The following EPS15 variants were observed in gnomAD, a reference collection of about 807,000 sequenced individuals.
EPS15 encodes epidermal growth factor receptor pathway substrate 15.
Under a neutral mutation model 113.8 loss-of-function variants are expected in EPS15, and 72 were observed. The observed-to-expected ratio is 0.63, with a 90% confidence interval of 0.52 to 0.77. EPS15 has a LOEUF of 0.77. EPS15 is among the 30% of genes least tolerant of loss of function. The pLI is 0.00. For synonymous variants in EPS15, 344 were observed against 363.4 expected, an observed-to-expected ratio of 0.95 and a Z score of 0.61; for missense variants, 1,048 against 1,045.8, an observed-to-expected ratio of 1.00 and a Z score of -0.03.
chr1:51,386,933 G>C (rs908792269), intron 21 of EPS15, among the ~76,000 whole-genome samples: 4 of 152,130 alleles, frequency 2.6e-5, no homozygotes, highest in Admixed American at 6.6e-5. Flanking sequence ...AATCTAGCAA[G>C]GCAGGCCAAC....
At chr1:51,507,408 A>T (rs1311436985) in intron 1 of EPS15, among the ~76,000 whole-genome samples, 1 of 152,214 alleles carries the variant, frequency 6.6e-6, no homozygotes, top group East Asian at 1.9e-4. Flanking sequence ...CACACCTGTA[A>T]TCCCAGCACT....
intron 15 of EPS15, among the ~76,000 whole-genome samples, chr1:51,407,242 G>C (rs1360570563): frequency 6.6e-6 from 1 of 151,986 alleles, no homozygotes; most frequent in Non-Finnish European, 1.5e-5. Context: ...CTGTTGCCCA[G>C]GGTGGAGTGC....
At chr1:51,357,383 A>G in intron 24 of EPS15, among the ~76,000 whole-genome samples, 1 of 52,630 alleles carries the variant, frequency 1.9e-5, no homozygotes, top group Non-Finnish European at 3.5e-5. Flanking sequence ...TCTGAAAAAA[A>G]AAAAAAAAAT....
chr1:51,370,926 G>GT (rs1646633570), intron 21 of EPS15, among the ~76,000 whole-genome samples: 1 of 146,354 alleles, frequency 6.8e-6, no homozygotes, highest in Non-Finnish European at 1.5e-5. Context: ...CCCTATTTTG[G>GT]TTTTTTTGAG....
At chr1:51,476,850 G>T (rs537168968) in intron 2 of EPS15, among the ~76,000 whole-genome samples, 1 of 152,260 alleles carries the variant, frequency 6.6e-6, no homozygotes, top group East Asian at 1.9e-4. Context: ...GCTGGATTCG[G>T]TTTGCCAGTA....
rs1241341955 is a variant in EPS15, at chr1:51,480,424, G to A, written c.75+849C>T. Among the ~76,000 whole-genome samples, 29 of 152,180 alleles carry A rather than the reference G, an allele frequency of 1.9e-4. 1 individual carries two copies. The highest frequency in any genetic ancestry group is 1.9e-3 in the Admixed American group (29 of 15,276). On this transcript the variant is annotated intron_variant, in intron 2 of 24. Coordinates refer to ENST00000371733, the MANE Select transcript of EPS15 (RefSeq NM_001981.3). The stretch of plus-strand genomic sequence containing the variant: ...GTAGAGGTTAATAGAAACTGATAGC[G>A]ATGCAAGTGACTCCTGTCCATACCA...
intron 21 of EPS15, among the ~76,000 whole-genome samples, chr1:51,391,440 T>C (rs992723552): frequency 6.6e-6 from 1 of 150,488 alleles, no homozygotes; most frequent in Admixed American, 6.6e-5. Context: ...ATTGTGCACA[T>C]GTACCCTAAA....
At chr1:51,440,305 G>GTT (rs1652491164) in intron 12 of EPS15, 42 bp downstream of exon 12, 2 of 728,372 alleles carry the variant, frequency 2.7e-6, no homozygotes, top group East Asian at 5.0e-5. Context: ...GTGTGTGTGT[G>GTT]TGTGTGTGTA....
intron 8 of EPS15, among the ~76,000 whole-genome samples, chr1:51,452,526 C>T (rs1191807752): frequency 1.3e-5 from 2 of 152,226 alleles, no homozygotes; most frequent in East Asian, 3.9e-4. Flanking sequence ...TCAAGTAAGC[C>T]ACCACACCCA....
At chr1:51,394,482 G>C in intron 20 of EPS15, 35 bp from the exon 21 acceptor site, 6 of 1,373,048 alleles carry the variant, frequency 4.4e-6, no homozygotes, top group Non-Finnish European at 6.1e-6. Context: ...AATGAGAGAG[G>C]CAACACTTCA....
intron 8 of EPS15, among the ~76,000 whole-genome samples, chr1:51,452,343 C>G (rs892990296): frequency 4.6e-5 from 7 of 152,068 alleles, no homozygotes; most frequent in Admixed American, 1.3e-4. Flanking sequence ...AATGCAGTGG[C>G]GAGAACACAG....
intron 21 of EPS15, among the ~76,000 whole-genome samples, chr1:51,383,029 A>G (rs1646976372): frequency 6.6e-6 from 1 of 152,242 alleles, no homozygotes; most frequent in Non-Finnish European, 1.5e-5. Context: ...ATTATACACC[A>G]TGTCCAAGTG....
At chr1:51,386,653 C>T (rs549740486) in intron 21 of EPS15, among the ~76,000 whole-genome samples, 18 of 152,122 alleles carry the variant, frequency 1.2e-4, no homozygotes, top group South Asian at 6.2e-4. Context: ...GACCAAAAGT[C>T]GAGAACTACG....
chr1:51,473,653 A>T (rs77089661), intron 2 of EPS15, among the ~76,000 whole-genome samples: 1,584 of 152,298 alleles, frequency 0.01, 39 homozygotes, highest in African/African-American at 0.037. Context: ...AAGATTTCCT[A>T]AAGTTCCATT....
At chr1:51,413,543 GA>G (rs1165059783) in intron 13 of EPS15, among the ~76,000 whole-genome samples, 2 of 152,132 alleles carry the variant, frequency 1.3e-5, no homozygotes, top group African/African-American at 4.8e-5. Flanking sequence ...TACATAATGT[GA>G]AACACTTCAC....
intron 21 of EPS15, among the ~76,000 whole-genome samples, chr1:51,369,931 G>C (rs545635648): frequency 1.3e-5 from 2 of 152,184 alleles, no homozygotes; most frequent in African/African-American, 4.8e-5. Context: ...GACAGAAACT[G>C]TCTATTAAGA....
At chr1:51,462,948 C>T (rs1280793793) in intron 7 of EPS15, among the ~76,000 whole-genome samples, 1 of 143,536 alleles carries the variant, frequency 7.0e-6, no homozygotes, top group Non-Finnish European at 1.5e-5. Flanking sequence ...GCGATCTCGG[C>T]TCACTGCAAC....
intron 2 of EPS15, among the ~76,000 whole-genome samples, chr1:51,478,015 C>T (rs1028772531): frequency 6.6e-6 from 1 of 152,064 alleles, no homozygotes; most frequent in African/African-American, 2.4e-5. Flanking sequence ...TCCTTGTTAA[C>T]TGTCTGTCTC....
Position 51,507,279 on chromosome 1 carries a change from T to C in EPS15, c.33+11920A>G, listed in dbSNP as rs559018551. Among the ~76,000 whole-genome samples the C allele has an allele frequency of 1.9e-4, 29 of 152,326 alleles. No individual in the cohort carries two copies. In the South Asian group the frequency reaches 5.8e-3, roughly 30 times the overall value. On this transcript the variant is annotated intron_variant, in intron 1 of 24. Transcript: ENST00000371733. ...ACATATATAAAATATCTGTACACAT[T>C]AGGGCTTAAACTATAAAGCACACAA...
Sources: allele counts gnomAD v4.1 joint callset (sites outside exome capture counted in the v4.1 genomes callset), GRCh38; gene constraint gnomAD v4.1.1; transcripts MANE v1.5; gene names NCBI Gene and HGNC (gene_info 2026-07-23, HGNC 2026-07-21).